The following NF1 variants were observed in gnomAD, a reference collection of about 807,000 sequenced individuals.
The protein encoded by NF1 is neurofibromin 1.
Under a neutral mutation model 325.7 loss-of-function variants are expected in NF1, and 122 were observed. The observed-to-expected ratio is 0.37, with a 90% CI of 0.32 to 0.44. The LOEUF (loss-of-function observed/expected upper bound fraction) is 0.44. Among genes scored for constraint, NF1 ranks in the 20% least tolerant of loss-of-function variants. The pLI is 1.00. For synonymous variants in NF1, 1,091 were observed against 1,186.0 expected, an observed-to-expected ratio of 0.92 and a Z score of 1.65; for missense variants, 2,140 against 3,415.4, an observed-to-expected ratio of 0.63 and a Z score of 9.31.
At position 31,350,224 on chromosome 17, in the gene NF1, C is replaced by T. The variant is rs2151574369; in HGVS notation, c.7363C>T (p.Leu2455=). 6.2e-7 allele frequency: 1 copy of T among 1,613,876 alleles called. No individual in the cohort carries two copies. The highest frequency in any genetic ancestry group is 8.5e-7 in the Non-Finnish European group (1 of 1,179,846). The part of the protein sequence containing the change: ...VSEEVRSRCS[L]KHRKSLLLTD... ...TGAAGAAGTTCGAAGTCGCTGCAGC[C>T]TAAAACATAGAAAGTCACTTCTTCT... Residue 2455 remains leucine, a synonymous_variant, in exon 50 of 58, where the codon CTA becomes TTA. Transcript: ENST00000358273.
intron 10 of NF1, 121 bp downstream of exon 10, chr17:31,201,280 T>C (rs2143882236): frequency 1.3e-6 from 2 of 1,499,020 alleles, no homozygotes; most frequent in Non-Finnish European, 1.8e-6. Flanking sequence ...TGTATTGATG[T>C]TCGTTTCAAG....
chr17:31,232,664 C>T (rs2151434318), intron 25 of NF1, 36 bp from the exon 26 acceptor site: 1 of 1,596,792 alleles, frequency 6.3e-7, no homozygotes, highest in Non-Finnish European at 8.6e-7. Flanking sequence ...TTGATACGGC[C>T]TTCACTATGT....
At chr17:31,149,545 T>C (rs1916793920) in intron 1 of NF1, among the ~76,000 whole-genome samples, 1 of 152,158 alleles carries the variant, frequency 6.6e-6, no homozygotes, top group South Asian at 2.1e-4. Context: ...CCTCAGCATA[T>C]ATTTTTGTAT....
intron 2 of NF1, 97 bp from the exon 3 acceptor site, chr17:31,158,913 C>A: frequency 1.4e-6 from 1 of 730,528 alleles, no homozygotes; most frequent in Non-Finnish European, 2.5e-6. Flanking sequence ...AAATGGAAGA[C>A]TATTGTTGAT....
chr17:31,115,183 G>A (rs941344669), intron 1 of NF1, among the ~76,000 whole-genome samples: 3 of 152,096 alleles, frequency 2.0e-5, no homozygotes, highest in East Asian at 3.8e-4. Context: ...TATGACTTTC[G>A]TGGGGGTGGG....
intron 1 of NF1, among the ~76,000 whole-genome samples, chr17:31,096,544 G>A (rs181764467): frequency 2.6e-5 from 4 of 152,282 alleles, no homozygotes; most frequent in Admixed American, 2.6e-4. Flanking sequence ...CTGCAGCTGT[G>A]GGTGCAGTGG....
chr17:31,266,655 G>T (rs2067795180), intron 36 of NF1, among the ~76,000 whole-genome samples: 1 of 152,058 alleles, frequency 6.6e-6, no homozygotes, highest in Non-Finnish European at 1.5e-5. Flanking sequence ...ATTGGTAAGG[G>T]AGGTAGAAGA....
chr17:31,309,500 A>T (rs1224593232), intron 36 of NF1, among the ~76,000 whole-genome samples: 1 of 152,180 alleles, frequency 6.6e-6, no homozygotes, highest in East Asian at 1.9e-4. Flanking sequence ...ATTCTTATAG[A>T]TTACAAAAAA....
At chr17:31,095,611 C>T (rs991487839) in intron 1 of NF1, among the ~76,000 whole-genome samples, 2 of 152,254 alleles carry the variant, frequency 1.3e-5, no homozygotes, top group African/African-American at 4.8e-5. Flanking sequence ...GGGGCCTTGT[C>T]CCTGACCAGC....
At chr17:31,320,334 C>A (rs1477733957) in intron 36 of NF1, 5 of 1,460,798 alleles carry the variant, frequency 3.4e-6, no homozygotes, top group East Asian at 2.4e-5. Context: ...ACTTAGGAGT[C>A]CTTTTATTTA....
chr17:31,205,004 CA>C (rs2066594912), intron 11 of NF1, among the ~76,000 whole-genome samples: 2 of 152,078 alleles, frequency 1.3e-5, no homozygotes, highest in Non-Finnish European at 2.9e-5. Flanking sequence ...AAAATGTAAA[CA>C]ACCATACTGT....
chr17:31,270,532 C>T (rs1057037302), intron 36 of NF1, among the ~76,000 whole-genome samples: 10 of 152,076 alleles, frequency 6.6e-5, no homozygotes, highest in African/African-American at 9.7e-5. Flanking sequence ...ATCACTTGAT[C>T]CTGGGAGGTC....
At chr17:31,335,971 C>T (rs185395487) in intron 40 of NF1, among the ~76,000 whole-genome samples, 2 of 151,228 alleles carry the variant, frequency 1.3e-5, no homozygotes, top group Admixed American at 6.6e-5. Flanking sequence ...GGATTACAAG[C>T]GTGAGCCACT....
At chr17:31,116,297 A>G (rs866380036) in intron 1 of NF1, among the ~76,000 whole-genome samples, 3 of 152,326 alleles carry the variant, frequency 2.0e-5, no homozygotes, top group Middle Eastern at 3.4e-3. Flanking sequence ...ATGCCTGAAT[A>G]TTAATAGAGA....
At chr17:31,115,283 T>C (rs1242399889) in intron 1 of NF1, among the ~76,000 whole-genome samples, 1 of 152,146 alleles carries the variant, frequency 6.6e-6, no homozygotes, top group Non-Finnish European at 1.5e-5. Flanking sequence ...TAGAGACTGA[T>C]CCAGTCCAAA....
chr17:31,318,636 A>G lies in NF1; in HGVS notation c.4836-7184A>G, dbSNP rs201146715. 45 of 1,614,120 alleles carry G rather than the reference A, an allele frequency of 2.8e-5. No homozygotes were observed. In the African/African-American group the frequency reaches 5.7e-4, roughly 21 times the overall value. ...TAGCCATGTTGTTGTTGTTTTCCGCACAGACATCCTTTTTGAAAATTTCAC... is the reference window on the plus strand; with the variant it reads ...TAGCCATGTTGTTGTTGTTTTCCGCGCAGACATCCTTTTTGAAAATTTCAC... On this transcript the variant is annotated intron_variant, in intron 36 of 57. Coordinates refer to ENST00000358273, the MANE Select transcript of NF1 (RefSeq NM_001042492.3).
chr17:31,307,556 G>A (rs1203046484), intron 36 of NF1, among the ~76,000 whole-genome samples: 1 of 152,208 alleles, frequency 6.6e-6, no homozygotes, highest in Non-Finnish European at 1.5e-5. Context: ...AAAACTTGGA[G>A]AGTTAAGTTT....
chr17:31,264,071 A>C (rs2067742213), intron 35 of NF1, among the ~76,000 whole-genome samples: 1 of 152,152 alleles, frequency 6.6e-6, no homozygotes, highest in Non-Finnish European at 1.5e-5. Flanking sequence ...TAAGGCTCAT[A>C]GAAATACTAG....
intron 36 of NF1, chr17:31,278,119 A>G (rs1316172248): frequency 1.3e-5 from 2 of 152,186 alleles, no homozygotes; most frequent in Non-Finnish European, 2.9e-5. Context: ...CCTTGTCTCT[A>G]AAAAACAAAA....
Sources: allele counts gnomAD v4.1 joint callset (sites outside exome capture counted in the v4.1 genomes callset), GRCh38; gene constraint gnomAD v4.1.1; transcripts MANE v1.5; gene names NCBI Gene and HGNC (gene_info 2026-07-23, HGNC 2026-07-21).